The following PTPRD variants were observed in gnomAD, a reference collection of about 807,000 sequenced individuals.
The protein encoded by PTPRD is protein tyrosine phosphatase receptor type D.
Under a neutral mutation model 214.5 loss-of-function variants are expected in PTPRD, and 34 were observed. The ratio of observed to expected loss-of-function variants is 0.16; its 90% CI spans 0.12 to 0.21. The LOEUF (loss-of-function observed/expected upper bound fraction) is 0.21, where lower values mean the gene tolerates loss of function less well. PTPRD is among the 10% of genes least tolerant of loss of function. PTPRD has a pLI of 1.00. For missense variants in PTPRD, 2,545 were observed against 2,398.7 expected (o/e 1.06, Z -1.27); for synonymous variants, 1,128 against 845.7 (o/e 1.33, Z -5.79).
chr9:9,441,606 T>C (rs1245963786), intron 8 of PTPRD, among the ~76,000 whole-genome samples: 1 of 152,088 alleles, frequency 6.6e-6, no homozygotes, highest in Non-Finnish European at 1.5e-5. Context: ...TGCTGCCCTT[T>C]CCATGGAGAC....
At chr9:8,584,019 T>G (rs1234003526) in intron 14 of PTPRD, among the ~76,000 whole-genome samples, 1 of 152,056 alleles carries the variant, frequency 6.6e-6, no homozygotes, top group African/African-American at 2.4e-5. Context: ...ATCGGTGTGG[T>G]GGTGTGTACT....
At chr9:8,907,298 C>A (rs2098714499) in intron 11 of PTPRD, among the ~76,000 whole-genome samples, 2 of 151,834 alleles carry the variant, frequency 1.3e-5, no homozygotes, top group South Asian at 2.1e-4. Context: ...AATATGAATT[C>A]TATTCAGGAA....
intron 3 of PTPRD, among the ~76,000 whole-genome samples, chr9:10,169,529 G>C (rs1271943935): frequency 2.1e-5 from 3 of 145,660 alleles, no homozygotes; most frequent in Admixed American, 6.9e-5. Flanking sequence ...TAATGACAGA[G>C]AACTGAGGTG....
chr9:9,943,413 A>AATTC (rs369359363), intron 4 of PTPRD, among the ~76,000 whole-genome samples: 7 of 152,122 alleles, frequency 4.6e-5, no homozygotes, highest in East Asian at 1.9e-4. Context: ...AGAAGTTTGA[A>AATTC]ATTCATTCAT....
At chr9:9,763,937 CA>C (rs1343822100) in intron 6 of PTPRD, among the ~76,000 whole-genome samples, 1 of 152,106 alleles carries the variant, frequency 6.6e-6, no homozygotes, top group East Asian at 1.9e-4. Flanking sequence ...GATATTTGGC[CA>C]ATTCCTCATT....
chr9:9,778,410 TAG>T (rs1243205681), intron 5 of PTPRD, among the ~76,000 whole-genome samples: 5 of 152,160 alleles, frequency 3.3e-5, no homozygotes, highest in Non-Finnish European at 7.4e-5. Context: ...AGGTGGTGTG[TAG>T]CACAGAAATG....
At chr9:8,528,355 T>C in intron 15 of PTPRD, 1 of 561,796 alleles carries the variant, frequency 1.8e-6, no homozygotes, top group South Asian at 2.5e-5. Flanking sequence ...GTCACAGCAG[T>C]GAGCAATGTG....
intron 3 of PTPRD, among the ~76,000 whole-genome samples, chr9:10,082,752 T>G (rs2098261406): frequency 6.6e-6 from 1 of 151,034 alleles, no homozygotes; most frequent in Non-Finnish European, 1.5e-5. Context: ...GAGAGAGTAT[T>G]TTATTAAAGA....
chr9:10,331,596 G>A (rs1375046986), intron 3 of PTPRD, among the ~76,000 whole-genome samples: 1 of 151,772 alleles, frequency 6.6e-6, no homozygotes, highest in African/African-American at 2.4e-5. Context: ...CTGCTCTTGT[G>A]TTATACACTA....
At chr9:8,678,676 C>T (rs903650722) in intron 12 of PTPRD, among the ~76,000 whole-genome samples, 1 of 152,152 alleles carries the variant, frequency 6.6e-6, no homozygotes, top group Non-Finnish European at 1.5e-5. Flanking sequence ...TCCCCAAAAC[C>T]TTTGTAGTAT....
chr9:10,259,709 C>G (rs2093565677), intron 3 of PTPRD, among the ~76,000 whole-genome samples: 1 of 152,176 alleles, frequency 6.6e-6, no homozygotes, highest in Non-Finnish European at 1.5e-5. Context: ...TCAACAAATA[C>G]TCCTGTTTAT....
rs2098688779 is a variant in PTPRD at position 8,733,913 on chromosome 9, C to G, written c.-70G>C. 2.7e-6 allele frequency: 4 copies of G among 1,472,728 alleles called. No homozygotes were observed. Among genetic ancestry groups the G allele is most frequent in the Non-Finnish European group, 2.8e-6 (3 of 1,083,456 alleles). The allele number at this position is 1,472,728 out of a possible 1,614,324, so 91.2% of individuals were successfully genotyped here. On this transcript the variant is annotated 5_prime_UTR_variant, in exon 12 of 46. Coordinates refer to ENST00000381196, the MANE Select transcript of PTPRD (RefSeq NM_002839.4). ...CCTCCGGAGCCGCAGCGAGTCTGTC[C>G]GATCTGAAATTTCAGCTGGAACACT...
Position 10,396,313 on chromosome 9 carries a change from T to C in PTPRD, c.-599-55296A>G, listed in dbSNP as rs559412142. Among the ~76,000 whole-genome samples, 3 of 152,096 alleles carry C rather than the reference T, an allele frequency of 2.0e-5. No homozygotes were observed. The South Asian group carries it at 6.2e-4, about 32-fold the overall frequency. ...TCTGATCATTGTTAAGGTGGAGGAA[T>C]GAGCTATGCTTTAGGAGGGAGATGC... is the stretch of plus-strand genomic sequence containing the variant. On this transcript the variant is annotated intron_variant, in intron 2 of 45. Transcript: ENST00000381196.
At chr9:10,087,821 C>A in intron 3 of PTPRD, among the ~76,000 whole-genome samples, 1 of 151,670 alleles carries the variant, frequency 6.6e-6, no homozygotes, top group East Asian at 1.9e-4. Context: ...TAGAAAGTAT[C>A]ACGGTAACTT....
rs776969414 is a variant in PTPRD at position 8,659,163 on chromosome 9, C to A, written c.65-22319G>T. ...GAATGAGAGGGGCATGATAATTATG[C>A]CTCTCAGATGCATATCCACATTTTT... On this transcript the variant is annotated intron_variant, in intron 12 of 45. Coordinates refer to ENST00000381196, the MANE Select transcript of PTPRD (RefSeq NM_002839.4). Among the ~76,000 whole-genome samples the A allele has an allele frequency of 1.9e-4, 29 of 152,100 alleles. 1 individual carries two copies. Among genetic ancestry groups the A allele is most frequent in the Middle Eastern group, 3.2e-3 (1 of 316 alleles).
At chr9:8,954,942 G>A (rs970746749) in intron 11 of PTPRD, among the ~76,000 whole-genome samples, 1 of 151,872 alleles carries the variant, frequency 6.6e-6, no homozygotes, top group African/African-American at 2.4e-5. Flanking sequence ...AGACAACCAT[G>A]TTCTTTCTCA....
chr9:9,415,657 C>T (rs901478098), intron 8 of PTPRD, among the ~76,000 whole-genome samples: 1 of 151,926 alleles, frequency 6.6e-6, no homozygotes, highest in African/African-American at 2.4e-5. Flanking sequence ...CATAAGATTA[C>T]CCTTTAGGGA....
intron 12 of PTPRD, among the ~76,000 whole-genome samples, chr9:8,709,344 C>T (rs941800574): frequency 1.5e-4 from 23 of 151,608 alleles, no homozygotes; most frequent in African/African-American, 5.6e-4. Context: ...GAAACCCTGT[C>T]TCTACTAAAA....
chr9:10,448,915 A>C (rs1173630452), intron 2 of PTPRD, among the ~76,000 whole-genome samples: 1 of 152,066 alleles, frequency 6.6e-6, no homozygotes, highest in East Asian at 1.9e-4. Context: ...AGTCTTTGCA[A>C]ATACTTCATT....
Sources: allele counts gnomAD v4.1 joint callset (sites outside exome capture counted in the v4.1 genomes callset), GRCh38; gene constraint gnomAD v4.1.1; transcripts MANE v1.5; gene names NCBI Gene and HGNC (gene_info 2026-07-23, HGNC 2026-07-21).